The following POFUT3 variants were observed in gnomAD, a reference collection of about 807,000 sequenced individuals.
POFUT3 encodes the protein protein O-fucosyltransferase 3.
the POFUT3 span, among the ~76,000 whole-genome samples, chr8:33,409,352 C>T: frequency 6.6e-6 from 1 of 152,190 alleles, no homozygotes; most frequent in Non-Finnish European, 1.5e-5. Context: ...ATCCACCCGC[C>T]TTGGCCTCCC....
chr8:33,413,344 G>C, the POFUT3 span, among the ~76,000 whole-genome samples: 3 of 151,848 alleles, frequency 2.0e-5, no homozygotes, highest in Admixed American at 1.3e-4. Context: ...GCGCTCACTT[G>C]CTTGCTCACT....
At chr8:33,455,657 A>C in the POFUT3 span, 1 of 341,594 alleles carries the variant, frequency 2.9e-6, no homozygotes, top group Non-Finnish European at 5.8e-6. Context: ...GCGTTAAAGC[A>C]GTTAAAGTAA....
the POFUT3 span, among the ~76,000 whole-genome samples, chr8:33,368,419 AT>A: frequency 6.6e-6 from 1 of 152,196 alleles, no homozygotes; most frequent in Admixed American, 6.6e-5. Context: ...ATGAGGCCAC[AT>A]TTTACTAGTG....
chr8:33,370,265 G>A, the POFUT3 span, among the ~76,000 whole-genome samples: 2 of 146,176 alleles, frequency 1.4e-5, no homozygotes, highest in Non-Finnish European at 3.0e-5. Context: ...TGAGGCAGAA[G>A]AATCGCTTGA....
chr8:33,324,722 A>G, the POFUT3 span, among the ~76,000 whole-genome samples: 3 of 146,524 alleles, frequency 2.0e-5, no homozygotes, highest in African/African-American at 7.6e-5. Flanking sequence ...GCACCCCCCC[A>G]ACCCCACTCT....
the POFUT3 span, among the ~76,000 whole-genome samples, chr8:33,326,999 AAT>A: frequency 6.6e-6 from 1 of 152,188 alleles, no homozygotes; most frequent in African/African-American, 2.4e-5. Context: ...GCTGGTCTTG[AAT>A]GCCTGGCCTT....
At chr8:33,332,365 C>A in the POFUT3 span, among the ~76,000 whole-genome samples, 1 of 151,654 alleles carries the variant, frequency 6.6e-6, no homozygotes, top group Non-Finnish European at 1.5e-5. Flanking sequence ...GTGGCCTGTG[C>A]CTGTAGTCCC....
chr8:33,383,241 G>GA, the POFUT3 span, among the ~76,000 whole-genome samples: 3 of 152,116 alleles, frequency 2.0e-5, no homozygotes, highest in Non-Finnish European at 4.4e-5. Context: ...CTCCCTAACA[G>GA]AATCACAGCA....
At chr8:33,360,043 C>G in the POFUT3 span, among the ~76,000 whole-genome samples, 1 of 150,892 alleles carries the variant, frequency 6.6e-6, no homozygotes. Context: ...AAAACAACAA[C>G]AAAAAACAAA....
At chr8:33,401,757 C>T in the POFUT3 span, among the ~76,000 whole-genome samples, 43 of 152,082 alleles carry the variant, frequency 2.8e-4, no homozygotes, top group African/African-American at 1.0e-3. Context: ...AGGCCAGGCA[C>T]GGTGGCTCAC....
chr8:33,387,614 G>A, the POFUT3 span, among the ~76,000 whole-genome samples: 1 of 152,150 alleles, frequency 6.6e-6, no homozygotes, highest in Non-Finnish European at 1.5e-5. Flanking sequence ...GACCAGCCTG[G>A]CCAACATGGT....
chr8:33,453,592 C>T, the POFUT3 span: 6 of 1,214,470 alleles, frequency 4.9e-6, no homozygotes, highest in Non-Finnish European at 7.0e-6. Context: ...ATGATTTAGC[C>T]CCTGACTCGT....
chr8:33,360,656 A>C, the POFUT3 span, among the ~76,000 whole-genome samples: 1 of 152,056 alleles, frequency 6.6e-6, no homozygotes, highest in African/African-American at 2.4e-5. Context: ...TTCCACTCTC[A>C]GAGTGCCCCA....
At chr8:33,433,584 C>T in the POFUT3 span, among the ~76,000 whole-genome samples, 10,734 of 150,192 alleles carry the variant, frequency 0.071, 593 homozygotes, top group East Asian at 0.19. Flanking sequence ...TGCACTCCAG[C>T]CTGGGCGATA....
At chr8:33,401,299 T>G in the POFUT3 span, among the ~76,000 whole-genome samples, 1 of 151,958 alleles carries the variant, frequency 6.6e-6, no homozygotes, top group Non-Finnish European at 1.5e-5. Flanking sequence ...ACTCATATTC[T>G]CTTGTCAAAT....
chr8:33,390,530 C>A, the POFUT3 span, among the ~76,000 whole-genome samples: 1 of 125,696 alleles, frequency 8.0e-6, no homozygotes. Context: ...GCAACCAGGT[C>A]AGCAGGTTGA....
chr8:33,417,909 G>T, the POFUT3 span, among the ~76,000 whole-genome samples: 1 of 152,072 alleles, frequency 6.6e-6, no homozygotes, highest in Non-Finnish European at 1.5e-5. Context: ...GAACCCCAGG[G>T]GTCCACATTC....
chr8:33,394,410 C>T, the POFUT3 span, among the ~76,000 whole-genome samples: 1 of 152,052 alleles, frequency 6.6e-6, no homozygotes, highest in African/African-American at 2.4e-5. Context: ...TGGAAGTTCA[C>T]TCAAATCCTG....
chr8:33,388,575 G>T, the POFUT3 span, among the ~76,000 whole-genome samples: 2 of 151,962 alleles, frequency 1.3e-5, no homozygotes, highest in African/African-American at 4.8e-5. Context: ...GGGCTCAAGT[G>T]ATCCACCCAC....
Sources: gnomAD v4.1 joint callset for allele counts (sites outside exome capture counted in the v4.1 genomes callset) on GRCh38, gnomAD v4.1.1 for gene constraint, MANE v1.5 for transcripts, NCBI Gene and HGNC (gene_info 2026-07-23, HGNC 2026-07-21) for gene names.